The following KCND2 variants were observed in gnomAD, a reference collection of about 807,000 sequenced individuals.
The protein encoded by KCND2 is A-type voltage-gated potassium channel KCND2.
Under a neutral mutation model 54.4 loss-of-function variants are expected in KCND2, and 16 were observed. The ratio of observed to expected loss-of-function variants is 0.29; its 90% CI spans 0.20 to 0.45. KCND2 has a LOEUF of 0.45. KCND2 is among the 20% of genes least tolerant of loss of function. The pLI is 1.00. For synonymous variants in KCND2, 317 were observed against 310.7 expected (o/e 1.02, Z -0.21); for missense variants, 486 against 824.2 (o/e 0.59, Z 5.02).
chr7:120,453,669 A>G (rs775440475), intron 1 of KCND2, among the ~76,000 whole-genome samples: 42 of 152,262 alleles, frequency 2.8e-4, no homozygotes, highest in Non-Finnish European at 2.5e-4. Flanking sequence ...ATGACTTTGT[A>G]GTAAACAATG....
intron 1 of KCND2, among the ~76,000 whole-genome samples, chr7:120,730,277 T>G (rs1792788874): frequency 2.6e-5 from 4 of 152,108 alleles, no homozygotes; most frequent in African/African-American, 9.7e-5. Flanking sequence ...TCTCTGGGGC[T>G]TACTGCATAA....
rs566994688 is a variant in KCND2 at position 120,310,643 on chromosome 7, C to T, written c.1115+34896C>T. On this transcript the variant is annotated intron_variant, in intron 1 of 5. Transcript: ENST00000331113. Reference sequence around the variant, plus strand: ...ATTATAGAAAGCTATATAGACTGGTCGTGGTGGCTCACGGTTGTGGTGGCT... The same window carrying T: ...ATTATAGAAAGCTATATAGACTGGTTGTGGTGGCTCACGGTTGTGGTGGCT... Among the ~76,000 whole-genome samples the T allele has an allele frequency of 1.3e-3, 195 of 152,060 alleles. 1 individual carries two copies. The highest frequency in any genetic ancestry group is 2.1e-3 in the Non-Finnish European group (141 of 67,974).
At chr7:120,495,459 A>G (rs540932296) in intron 1 of KCND2, among the ~76,000 whole-genome samples, 65 of 152,248 alleles carry the variant, frequency 4.3e-4, no homozygotes, top group Admixed American at 2.6e-3. Flanking sequence ...TGTCCCTTTC[A>G]ATCAAGAAAG....
At chr7:120,349,619 C>T (rs1800373280) in intron 1 of KCND2, among the ~76,000 whole-genome samples, 1 of 152,138 alleles carries the variant, frequency 6.6e-6, no homozygotes, top group South Asian at 2.1e-4. Flanking sequence ...GAGAATCTCA[C>T]TATCAATTAA....
intron 1 of KCND2, among the ~76,000 whole-genome samples, chr7:120,549,936 C>T (rs192775223): frequency 6.6e-6 from 1 of 151,890 alleles, no homozygotes; most frequent in Non-Finnish European, 1.5e-5. Flanking sequence ...ATAGTATTAA[C>T]AAAATGAAAT....
At chr7:120,409,846 T>C (rs1384657971) in intron 1 of KCND2, among the ~76,000 whole-genome samples, 1 of 151,932 alleles carries the variant, frequency 6.6e-6, no homozygotes, top group African/African-American at 2.4e-5. Context: ...TGGCTTGCTT[T>C]TCATCTTCTT....
At chr7:120,672,928 C>A (rs927830034) in intron 1 of KCND2, 3 of 151,866 alleles carry the variant, frequency 2.0e-5, no homozygotes, top group African/African-American at 7.3e-5. Flanking sequence ...ATTAGCACAG[C>A]CCTTGTGCAA....
intron 1 of KCND2, among the ~76,000 whole-genome samples, chr7:120,569,731 T>C (rs1237068969): frequency 6.6e-6 from 1 of 152,162 alleles, no homozygotes; most frequent in East Asian, 1.9e-4. Flanking sequence ...ATTTTTAGCT[T>C]AAATTACCTT....
In KCND2 at chr7:120,674,234, A is replaced by C. The variant is rs192160560; in HGVS notation, c.1116-58669A>C. ...CCTAACTGTCATTCTTCTCCTACAAAAGTAAACACAGATGACATTTGTGGA... is the reference window on the plus strand; with the variant it reads ...CCTAACTGTCATTCTTCTCCTACAACAGTAAACACAGATGACATTTGTGGA... On this transcript the variant is annotated intron_variant, in intron 1 of 5. Transcript: ENST00000331113. Among the ~76,000 whole-genome samples, 946 of 151,484 alleles carry C rather than the reference A, an allele frequency of 6.2e-3. 18 individuals are homozygous for C. The highest frequency in any genetic ancestry group is 0.01 in the Non-Finnish European group (708 of 67,948).
chr7:120,662,073 G>A (rs924432439), intron 1 of KCND2, among the ~76,000 whole-genome samples: 3 of 152,016 alleles, frequency 2.0e-5, no homozygotes, highest in African/African-American at 4.8e-5. Context: ...TCCTTATGAG[G>A]GCACCCATGT....
intron 1 of KCND2, among the ~76,000 whole-genome samples, chr7:120,348,712 C>T (rs1349903418): frequency 6.6e-6 from 1 of 152,172 alleles, no homozygotes; most frequent in Non-Finnish European, 1.5e-5. Context: ...TCCTGCTGTA[C>T]TGTAAGATAG....
At chr7:120,427,130 C>A (rs1269591110) in intron 1 of KCND2, among the ~76,000 whole-genome samples, 1 of 152,136 alleles carries the variant, frequency 6.6e-6, no homozygotes, top group Non-Finnish European at 1.5e-5. Context: ...TTCTCGTTGT[C>A]TTCCTTACAG....
chr7:120,669,201 A>G (rs972747855), intron 1 of KCND2, among the ~76,000 whole-genome samples: 1 of 152,104 alleles, frequency 6.6e-6, no homozygotes. Flanking sequence ...CACATGTTTA[A>G]AAGTGAAGTC....
At chr7:120,466,795 A>G (rs1802376502) in intron 1 of KCND2, among the ~76,000 whole-genome samples, 1 of 152,132 alleles carries the variant, frequency 6.6e-6, no homozygotes, top group South Asian at 2.1e-4. Context: ...TTATGCGTCT[A>G]AAACCAAGGT....
intron 1 of KCND2, among the ~76,000 whole-genome samples, chr7:120,515,023 T>C (rs1350316496): frequency 6.7e-6 from 1 of 149,924 alleles, no homozygotes; most frequent in African/African-American, 2.4e-5. Context: ...TTTTAAACTT[T>C]TTCTTTCTTT....
At chr7:120,587,239 A>T (rs180895061) in intron 1 of KCND2, among the ~76,000 whole-genome samples, 10 of 152,284 alleles carry the variant, frequency 6.6e-5, no homozygotes, top group Admixed American at 2.6e-4. Context: ...AAGACTTCTA[A>T]TTCAGGCCAC....
intron 1 of KCND2, among the ~76,000 whole-genome samples, chr7:120,606,336 T>A (rs1792882136): frequency 6.6e-6 from 1 of 152,226 alleles, no homozygotes; most frequent in Admixed American, 6.5e-5. Context: ...TTCTGAGCCA[T>A]CTTTTCATTT....
chr7:120,409,225 T>G (rs1180324949), intron 1 of KCND2, among the ~76,000 whole-genome samples: 4 of 151,950 alleles, frequency 2.6e-5, no homozygotes, highest in Non-Finnish European at 5.9e-5. Context: ...GGTAAAGAAC[T>G]TTGGAAAAGA....
chr7:120,550,092 C>A (rs950778005), intron 1 of KCND2, among the ~76,000 whole-genome samples: 1 of 151,956 alleles, frequency 6.6e-6, no homozygotes, highest in African/African-American at 2.4e-5. Context: ...ATTTTAGGTT[C>A]GTTCAGCACT....
Sources: allele counts gnomAD v4.1 joint callset (sites outside exome capture counted in the v4.1 genomes callset), GRCh38; gene constraint gnomAD v4.1.1; transcripts MANE v1.5; gene names NCBI Gene and HGNC (gene_info 2026-07-23, HGNC 2026-07-21).